PRSS55: variants seen among roughly 807,000 people sequenced by gnomAD.
PRSS55 encodes serine protease 55.
In PRSS55, 41 loss-of-function variants were observed where a neutral mutation model predicts 23.6. The ratio of observed to expected loss-of-function variants is 1.74; its 90% CI spans 1.35 to 2.26. The LOEUF is 2.26. Among genes scored for constraint, PRSS55 ranks in the 30% most tolerant of loss-of-function variants. The pLI is 0.00. For missense variants in PRSS55, 669 were observed against 439.1 expected (o/e 1.52, Z -4.68); for synonymous variants, 262 against 175.5 (o/e 1.49, Z -3.90).
At chr8:10,533,348 G>A (rs955356803) in intron 4 of PRSS55, among the ~76,000 whole-genome samples, 2 of 152,192 alleles carry the variant, frequency 1.3e-5, no homozygotes, top group African/African-American at 4.8e-5. Context: ...AAAAATCCAA[G>A]GAGGATTTGG....
rs202134590 is a variant in PRSS55 at position 10,532,927 on chromosome 8, C to T, written c.620C>T (p.Thr207Met). 4.9e-5 allele frequency: 79 copies of T among 1,614,160 alleles called. No homozygotes were observed. The highest frequency in any genetic ancestry group is 8.8e-5 in the South Asian group (8 of 91,080). The change falls in exon 4 of 5, where the codon ACG becomes ATG. Residue 207 changes from threonine (T) to methionine (M), a missense_variant. Physicochemically the swap from Thr to Met is moderately conservative, Grantham distance 81. Coordinates refer to ENST00000328655, the MANE Select transcript of PRSS55 (RefSeq NM_198464.4). The stretch of plus-strand genomic sequence containing the variant: ...CCAGCTGACAAAAACTCTGTGAAAA[C>T]GGATCTGATGAAAGCGCCAATGGTC... ...TNAADKNSVK[T>M]DLMKAPMVIM...
chr8:10,551,904 A>G (rs1365447970), intron 4 of PRSS55, among the ~76,000 whole-genome samples: 1 of 152,238 alleles, frequency 6.6e-6, no homozygotes, highest in African/African-American at 2.4e-5. Flanking sequence ...AACCTTTGCA[A>G]AATCCCTGCT....
At chr8:10,553,326 T>A (rs1812992508) in intron 4 of PRSS55, among the ~76,000 whole-genome samples, 1 of 152,250 alleles carries the variant, frequency 6.6e-6, no homozygotes, top group Non-Finnish European at 1.5e-5. Flanking sequence ...CTTTTTTTAA[T>A]AAATTACCTA....
intron 1 of PRSS55, 70 bp from the exon 2 acceptor site, chr8:10,529,437 G>C: frequency 1.3e-6 from 2 of 1,507,050 alleles, no homozygotes; most frequent in Non-Finnish European, 1.8e-6. Context: ...TCCCAGCCCG[G>C]TCCCCAGCTC....
At chr8:10,526,271 G>A (rs776733529) in intron 1 of PRSS55, among the ~76,000 whole-genome samples, 4 of 152,218 alleles carry the variant, frequency 2.6e-5, no homozygotes, top group East Asian at 1.9e-4. Flanking sequence ...CCACCACGGT[G>A]GGGCATCTGC....
chr8:10,533,162 G>A (rs1405354887), intron 4 of PRSS55, 114 bp downstream of exon 4: 6 of 1,137,382 alleles, frequency 5.3e-6, no homozygotes, highest in Non-Finnish European at 7.5e-6. Context: ...GAAAATGTAT[G>A]GGAATTAGGG....
chr8:10,529,815 G>A, intron 2 of PRSS55, 116 bp downstream of exon 2: 1 of 1,028,892 alleles, frequency 9.7e-7, no homozygotes, highest in South Asian at 1.5e-5. Context: ...TATCCAGTCG[G>A]CATGAATGGC....
At chr8:10,538,119 C>A (rs967218895) in intron 4 of PRSS55, among the ~76,000 whole-genome samples, 4 of 152,178 alleles carry the variant, frequency 2.6e-5, no homozygotes, top group African/African-American at 9.7e-5. Context: ...CTTTCCAGAG[C>A]CTCTCATTTG....
intron 2 of PRSS55, among the ~76,000 whole-genome samples, chr8:10,530,447 G>A (rs922902220): frequency 4.6e-5 from 7 of 152,190 alleles, no homozygotes; most frequent in African/African-American, 7.2e-5. Flanking sequence ...TGGCACTCCC[G>A]CCTGGGCGAC....
chr8:10,546,306 G>C (rs1365639984), intron 4 of PRSS55, among the ~76,000 whole-genome samples: 11 of 152,152 alleles, frequency 7.2e-5, no homozygotes, highest in Non-Finnish European at 1.2e-4. Flanking sequence ...AACACTCAGG[G>C]AACTAAACAG....
At chr8:10,542,022 C>A (rs1016392858), downstream of PRSS55, among the ~76,000 whole-genome samples, 15 of 152,232 alleles carry the variant, frequency 9.9e-5, no homozygotes, top group African/African-American at 3.6e-4. Context: ...AGCAGTCCTC[C>A]TGCCATGGCC....
chr8:10,545,279 C>G (rs1359960509), intron 4 of PRSS55: 1 of 151,348 alleles, frequency 6.6e-6, no homozygotes, highest in Non-Finnish European at 1.5e-5. Context: ...CTCACTGCAG[C>G]CTCAACCTCC....
intron 1 of PRSS55, among the ~76,000 whole-genome samples, chr8:10,527,494 C>T (rs1285965233): frequency 6.6e-6 from 1 of 152,202 alleles, no homozygotes; most frequent in Non-Finnish European, 1.5e-5. Flanking sequence ...AAATATAAAG[C>T]AGGGTAGGAA....
At chr8:10,542,737 G>C (rs1247422843), downstream of PRSS55, among the ~76,000 whole-genome samples, 1 of 151,940 alleles carries the variant, frequency 6.6e-6, no homozygotes. Context: ...GCTGGGTGTG[G>C]TGGCGGGTGC....
intron 3 of PRSS55, among the ~76,000 whole-genome samples, chr8:10,532,080 A>G (rs1170358171): frequency 6.6e-6 from 1 of 152,194 alleles, no homozygotes; most frequent in African/African-American, 2.4e-5. Context: ...AACAAAACCA[A>G]AAGCAAATAG....
At chr8:10,543,293 G>A (rs558575153), downstream of PRSS55, among the ~76,000 whole-genome samples, 8 of 152,224 alleles carry the variant, frequency 5.3e-5, no homozygotes, top group African/African-American at 1.9e-4. Flanking sequence ...GGGGCCCCAT[G>A]CGGAAGTGAC....
downstream of PRSS55, chr8:10,538,856 G>A (rs1019148026): frequency 6.9e-7 from 1 of 1,447,578 alleles, no homozygotes; most frequent in Admixed American, 2.3e-5. Flanking sequence ...CTCCAGCAGA[G>A]GCTCTGTCTG....
At chr8:10,532,322 A>G (rs935031492) in intron 3 of PRSS55, among the ~76,000 whole-genome samples, 2 of 152,176 alleles carry the variant, frequency 1.3e-5, no homozygotes, top group African/African-American at 2.4e-5. Context: ...AAAATCTTCA[A>G]TCAGGGGAAG....
At position 10,537,864 on chromosome 8, in the gene PRSS55, A is replaced by T. The variant is rs537344749; in HGVS notation, c.742-612A>T. On this transcript the variant is annotated intron_variant, in intron 4 of 4. Coordinates refer to ENST00000328655, the MANE Select transcript of PRSS55 (RefSeq NM_198464.4). ...GCCTTGTGTGAAGGTGGACGGAAGG[A>T]TGTGGGGCATTTGTTTGATTTATGT... Among the ~76,000 whole-genome samples, 13 of 152,228 alleles carry T rather than the reference A, an allele frequency of 8.5e-5. No homozygotes were observed. In the South Asian group the frequency reaches 2.3e-3, roughly 27 times the overall value.
Sources: gnomAD v4.1 joint callset for allele counts (sites outside exome capture counted in the v4.1 genomes callset) on GRCh38, gnomAD v4.1.1 for gene constraint, MANE v1.5 for transcripts, NCBI Gene and HGNC (gene_info 2026-07-23, HGNC 2026-07-21) for gene names.